The following CHD7 variants were observed in gnomAD, a reference collection of about 807,000 sequenced individuals.
The protein encoded by CHD7 is chromodomain helicase DNA binding protein 7.
Under a neutral mutation model 307.3 loss-of-function variants are expected in CHD7, and 24 were observed. The observed-to-expected ratio is 0.08, with a 90% CI of 0.06 to 0.11. CHD7 has a LOEUF of 0.11. Ranked by LOEUF, CHD7 falls within the 10% of genes least tolerant of loss-of-function variation. The pLI, the probability that CHD7 is intolerant of heterozygous loss-of-function variation, is 1.00. For missense variants in CHD7, 3,106 were observed against 3,727.1 expected, an observed-to-expected ratio of 0.83 and a Z score of 4.34; for synonymous variants, 1,363 against 1,349.9, an observed-to-expected ratio of 1.01 and a Z score of -0.21.
In CHD7 at chr8:60,750,716, A is replaced by G. The variant is rs903483308; in HGVS notation, c.1665+7619A>G. 3.3e-5 allele frequency among the ~76,000 whole-genome samples: 5 copies of G among 152,350 alleles called. No individual in the cohort carries two copies. In the East Asian group the frequency reaches 9.6e-4, roughly 29 times the overall value. On this transcript the variant is annotated intron_variant, in intron 2 of 37. Transcript: ENST00000423902. ...ATTTTACACAGATTGCGTGAGCTGC[A>G]TCTCAGTTGCTCAGTGACCACACAT...
chr8:60,861,191 C>CAT (rs1281478594), intron 35 of CHD7, 66 bp downstream of exon 35: 1 of 1,225,004 alleles, frequency 8.2e-7, no homozygotes, highest in Non-Finnish European at 1.1e-6. Flanking sequence ...TCCCTTACAA[C>CAT]ATAGAAATCC....
chr8:60,700,851 C>T (rs191895034), intron 1 of CHD7, among the ~76,000 whole-genome samples: 141 of 152,288 alleles, frequency 9.3e-4, no homozygotes, highest in Non-Finnish European at 1.4e-3. Flanking sequence ...GCAATGAGGA[C>T]GATGATGGCA....
At chr8:60,763,927 G>A (rs572937176) in intron 2 of CHD7, among the ~76,000 whole-genome samples, 7 of 152,098 alleles carry the variant, frequency 4.6e-5, no homozygotes, top group Non-Finnish European at 8.8e-5. Context: ...AGCATAGATG[G>A]GTCTGACTTC....
intron 2 of CHD7, among the ~76,000 whole-genome samples, chr8:60,760,265 G>C (rs1810112546): frequency 6.6e-6 from 1 of 151,980 alleles, no homozygotes; most frequent in African/African-American, 2.4e-5. Context: ...TTTAATAAAT[G>C]GTGCTGGGAA....
intron 1 of CHD7, among the ~76,000 whole-genome samples, chr8:60,714,158 T>G (rs1385531515): frequency 2.0e-5 from 3 of 151,626 alleles, no homozygotes; most frequent in Admixed American, 6.6e-5. Flanking sequence ...CGCGAGGACA[T>G]GAGGACGGCG....
intron 2 of CHD7, among the ~76,000 whole-genome samples, chr8:60,773,529 C>T (rs1451300085): frequency 1.3e-5 from 2 of 152,110 alleles, no homozygotes; most frequent in African/African-American, 4.8e-5. Context: ...CAGGCTGTTT[C>T]AACTATATGG....
intron 24 of CHD7, 129 bp downstream of exon 24, chr8:60,848,733 C>T (rs997462672): frequency 4.1e-5 from 31 of 749,454 alleles, no homozygotes; most frequent in Non-Finnish European, 7.3e-5. Flanking sequence ...ATCTTGAATG[C>T]AGTATTTGTC....
intron 28 of CHD7, among the ~76,000 whole-genome samples, chr8:60,851,581 A>C (rs557939627): frequency 1.6e-4 from 25 of 152,384 alleles, no homozygotes; most frequent in African/African-American, 5.5e-4. Context: ...TTAAGCATCT[A>C]AACTATAGCT....
At chr8:60,851,508 A>G (rs1805455283) in intron 28 of CHD7, among the ~76,000 whole-genome samples, 189 bp downstream of exon 28, 1 of 152,242 alleles carries the variant, frequency 6.6e-6, no homozygotes, top group Admixed American at 6.5e-5. Flanking sequence ...TTTCTTAGAT[A>G]GGATAACTAT....
intron 1 of CHD7, among the ~76,000 whole-genome samples, chr8:60,708,316 C>T (rs1376231049): frequency 2.0e-5 from 3 of 152,198 alleles, no homozygotes; most frequent in African/African-American, 7.2e-5. Flanking sequence ...CTCTGACTTT[C>T]TCTCCTGTTG....
Position 60,830,510 on chromosome 8 carries a change from C to T in CHD7, c.3711C>T (p.Asn1237=), listed in dbSNP as rs372498366. The change falls in exon 15 of 38, where the codon AAC becomes AAT. Residue 1237 remains asparagine, a synonymous_variant. Transcript: ENST00000423902. ...TTTCCAAAGGCGGTGGTCAAGCTAA[C>T]GTACCTAACCTATTAAACACTATGA... ...TFLSKGGGQA[N]VPNLLNTMME... is the part of the protein sequence containing the mutation. 7.2e-5 allele frequency: 116 copies of T among 1,613,854 alleles called. No individual in the cohort carries two copies. Among genetic ancestry groups the T allele is most frequent in the Non-Finnish European group, 9.3e-5 (110 of 1,179,852 alleles).
chr8:60,830,690 A>G, intron 15 of CHD7, 113 bp downstream of exon 15: 1 of 1,214,618 alleles, frequency 8.2e-7, no homozygotes, highest in Non-Finnish European at 1.1e-6. Flanking sequence ...TCTCCTGTCC[A>G]CTCAGCATGG....
intron 7 of CHD7, among the ~76,000 whole-genome samples, chr8:60,813,840 A>G (rs114576429): frequency 0.011 from 1,617 of 151,380 alleles, 28 homozygotes; most frequent in African/African-American, 0.036. Context: ...ATTTATAAGT[A>G]TTATAAATAT....
chr8:60,781,225 A>G lies in CHD7; in HGVS notation c.1891A>G (p.Arg631Gly), dbSNP rs780759134. The G allele has an allele frequency of 1.3e-6, 2 of 1,590,944 alleles. No homozygotes were observed. Among genetic ancestry groups the G allele is most frequent in the Non-Finnish European group, 1.7e-6 (2 of 1,168,200 alleles). The part of the protein sequence containing the change: ...PGGVDNQELN[R>G]NSLDGSQEEK... ...TGGGGTAGATAACCAAGAACTAAAT[A>G]GGAACTCACTGGATGGGTCCCAAGA... Residue 631 changes from arginine to glycine, a missense_variant, in exon 3 of 38, where the codon AGG becomes GGG. By Grantham distance (125) the Arg-to-Gly change is moderately radical. This residue lies in a region of CHD7 where 998 missense variants were observed against 1,004.5 expected (regional missense o/e 0.99). Transcript: ENST00000423902.
chr8:60,681,621 A>G (rs1283798938), intron 1 of CHD7, among the ~76,000 whole-genome samples: 3 of 152,198 alleles, frequency 2.0e-5, no homozygotes. Context: ...TTAGAAGCTA[A>G]ATTTTCTTAT....
At position 60,836,243 on chromosome 8, in the gene CHD7, C is replaced by A. The variant is rs373301291; in HGVS notation, c.3949C>A (p.Arg1317Ser). Residue 1317 changes from arginine to serine, a missense_variant, in exon 16 of 38, where the codon CGC (arginine) becomes AGC (serine). Physicochemically the swap from Arg to Ser is moderately radical, Grantham distance 110. Coordinates refer to ENST00000423902, the MANE Select transcript of CHD7 (RefSeq NM_017780.4). ...GGTGCTTATCTTTTCCCAGATGGTGCGCTGCTTGGACATACTGGAAGACTA... is the reference window on the plus strand; with the variant it reads ...GGTGCTTATCTTTTCCCAGATGGTGAGCTGCTTGGACATACTGGAAGACTA... ...HRVLIFSQMV[R>S]CLDILEDYLI... 1.2e-6 allele frequency: 2 copies of A among 1,613,954 alleles called. No homozygotes were observed. The highest frequency in any genetic ancestry group is 1.7e-6 in the Non-Finnish European group (2 of 1,179,928).
chr8:60,705,031 T>C (rs186372915), intron 1 of CHD7, among the ~76,000 whole-genome samples: 2 of 152,344 alleles, frequency 1.3e-5, no homozygotes, highest in East Asian at 3.9e-4. Flanking sequence ...GAATCTCATC[T>C]GCATAGGAGC....
At chr8:60,842,077 T>C (rs776604441) in intron 21 of CHD7, 25 bp downstream of exon 21, 8 of 1,563,668 alleles carry the variant, frequency 5.1e-6, no homozygotes, top group Admixed American at 1.9e-5. Flanking sequence ...CTACGTAAGA[T>C]AGAATTTTAT....
intron 23 of CHD7, among the ~76,000 whole-genome samples, chr8:60,846,849 G>T (rs1421705256): frequency 6.6e-6 from 1 of 152,216 alleles, no homozygotes; most frequent in Non-Finnish European, 1.5e-5. Context: ...GGCAGAACCA[G>T]GTTTGAACCC....
Sources: gnomAD v4.1 joint callset for allele counts (sites outside exome capture counted in the v4.1 genomes callset) on GRCh38, gnomAD v4.1.1 for gene constraint, gnomAD v4.1.1 regional missense constraint, MANE v1.5 for transcripts, NCBI Gene and HGNC (gene_info 2026-07-23, HGNC 2026-07-21) for gene names.